Variants in ELK3 observed in about 807,000 individuals in gnomAD.
ELK3 encodes the protein ETS domain-containing protein Elk-3.
Under a neutral mutation model 28.9 loss-of-function variants are expected in ELK3, and 10 were observed. The ratio of observed to expected loss-of-function variants is 0.35; its 90% confidence interval spans 0.21 to 0.59. The LOEUF (loss-of-function observed/expected upper bound fraction) is 0.59, where lower values mean the gene tolerates loss of function less well. Among genes scored for constraint, ELK3 ranks in the 20% least tolerant of loss-of-function variants. The pLI is 0.82. For synonymous variants in ELK3, 272 were observed against 243.5 expected, an observed-to-expected ratio of 1.12 and a Z score of -1.09; for missense variants, 463 against 517.3, an observed-to-expected ratio of 0.90 and a Z score of 1.02.
At chr12:96,235,213 A>G (rs959025732) in intron 2 of ELK3, among the ~76,000 whole-genome samples, 1 of 9,798 alleles carries the variant, frequency 1.0e-4, no homozygotes, top group Non-Finnish European at 2.2e-4. Context: ...GCCGCCCCCC[A>G]CCCCAGCATC....
At chr12:96,238,957 G>A (rs1001330012) in intron 2 of ELK3, among the ~76,000 whole-genome samples, 1 of 152,126 alleles carries the variant, frequency 6.6e-6, no homozygotes, top group Non-Finnish European at 1.5e-5. Context: ...CTGGAAGAGG[G>A]TGTGGTAGTG....
chr12:96,235,050 C>G (rs529738050), intron 2 of ELK3, among the ~76,000 whole-genome samples: 9 of 152,254 alleles, frequency 5.9e-5, no homozygotes, highest in African/African-American at 2.2e-4. Flanking sequence ...CCCCGGAATA[C>G]CCCACGCTTC....
rs199857700 is a variant in ELK3 at position 96,247,544 on chromosome 12, T to G, written c.812T>G (p.Leu271Arg). The change falls in exon 3 of 5, where the codon CTG (leucine) becomes CGG (arginine). Residue 271 changes from leucine to arginine, a missense_variant. This residue lies in a region of ELK3 where 408 missense variants were observed against 414.8 expected (regional missense o/e 0.98). Transcript: ENST00000228741. This position sits in a 1 kb window ranked among gnomAD's most constrained non-coding sequence, Gnocchi z 5.5. The part of the protein sequence containing the change: ...LEAACHDSDS[L>R]EPLNLSSGSK... The stretch of plus-strand genomic sequence containing the variant: ...GCCGCCTGCCATGACTCCGATTCCC[T>G]GGAGCCCTTGAACCTGTCATCGGGC... 5 of 1,613,984 alleles carry G rather than the reference T, an allele frequency of 3.1e-6. No homozygotes were observed. Among genetic ancestry groups the G allele is most frequent in the African/African-American group, 1.3e-5 (1 of 74,886 alleles).
intron 1 of ELK3, among the ~76,000 whole-genome samples, chr12:96,197,460 G>C (rs142558859): frequency 1.3e-5 from 2 of 152,304 alleles, no homozygotes; most frequent in African/African-American, 4.8e-5. Context: ...CACGCATTCA[G>C]TCAACAAATA....
At chr12:96,257,202 C>T (rs1027004703) in intron 3 of ELK3, among the ~76,000 whole-genome samples, 3 of 152,172 alleles carry the variant, frequency 2.0e-5, no homozygotes, top group Non-Finnish European at 4.4e-5. Flanking sequence ...CTCACACTGT[C>T]CCGGAGATAA....
At chr12:96,232,019 G>A (rs1334357623) in intron 2 of ELK3, among the ~76,000 whole-genome samples, 1 of 152,164 alleles carries the variant, frequency 6.6e-6, no homozygotes, top group Non-Finnish European at 1.5e-5. Flanking sequence ...AGAGGCAGAG[G>A]GAAGGCCTCC....
At chr12:96,254,836 G>A (rs1951935542) in intron 3 of ELK3, among the ~76,000 whole-genome samples, 1 of 152,094 alleles carries the variant, frequency 6.6e-6, no homozygotes, top group African/African-American at 2.4e-5. Flanking sequence ...ACTGGTACAG[G>A]GTGTTGAAGG....
intron 1 of ELK3, among the ~76,000 whole-genome samples, chr12:96,215,629 CTTTTTTTTTT>C (rs10611662): frequency 3.0e-5 from 4 of 133,524 alleles, no homozygotes; most frequent in Non-Finnish European, 1.6e-5. Flanking sequence ...GACATAAAAC[CTTTTTTTTTT>C]TTTTTTTTTT....
intron 3 of ELK3, among the ~76,000 whole-genome samples, chr12:96,256,441 A>T (rs1951949837): frequency 6.6e-6 from 1 of 152,042 alleles, no homozygotes; most frequent in Non-Finnish European, 1.5e-5. Flanking sequence ...ACAGAAGGGG[A>T]AGAGTCTTAA....
chr12:96,239,148 A>G lies in ELK3; in HGVS notation c.208-7792A>G, dbSNP rs182888864. 1.4e-4 allele frequency among the ~76,000 whole-genome samples: 22 copies of G among 152,368 alleles called. No individual in the cohort carries two copies. In the East Asian group the frequency reaches 3.9e-3, roughly 27 times the overall value. Reference sequence around the variant, plus strand: ...TACATTCTTTAATGTGAAAATACACATAAGCAAAAAGAAATATGAAAAATC... The same window carrying G: ...TACATTCTTTAATGTGAAAATACACGTAAGCAAAAAGAAATATGAAAAATC... On this transcript the variant is annotated intron_variant, in intron 2 of 4. Transcript: ENST00000228741.
intron 2 of ELK3, among the ~76,000 whole-genome samples, chr12:96,228,812 C>T (rs535939029): frequency 6.6e-6 from 1 of 152,278 alleles, no homozygotes; most frequent in Admixed American, 6.5e-5. Flanking sequence ...TCCAGCTGTC[C>T]CTCAACCTCA....
In ELK3 at chr12:96,269,428, G is replaced by C. The variant is rs1316326764; in HGVS notation, c.*2248G>C. 1 of 152,150 alleles carries C rather than the reference G, an allele frequency of 6.6e-6. No individual in the cohort carries two copies. The highest frequency in any genetic ancestry group is 1.5e-5 in the Non-Finnish European group (1 of 68,020). 9.4% of individuals were successfully genotyped at this position (152,150 alleles called of 1,614,324 possible). ...GATTCTTTCTTTTCCTTTGGAAACTGGGATTAATGTATGCTCTAGATCCAT... is the reference window on the plus strand; with the variant it reads ...GATTCTTTCTTTTCCTTTGGAAACTCGGATTAATGTATGCTCTAGATCCAT... On this transcript the variant is annotated 3_prime_UTR_variant, in exon 5 of 5. Coordinates refer to ENST00000228741, the MANE Select transcript of ELK3 (RefSeq NM_005230.4).
At chr12:96,261,105 G>A (rs954933275) in intron 4 of ELK3, among the ~76,000 whole-genome samples, 22 of 152,192 alleles carry the variant, frequency 1.4e-4, no homozygotes, top group African/African-American at 5.1e-4. Context: ...CATTTTGCTT[G>A]TCAAGGTTAA....
intron 2 of ELK3, among the ~76,000 whole-genome samples, chr12:96,240,158 T>C (rs911683703): frequency 6.6e-6 from 1 of 152,196 alleles, no homozygotes; most frequent in Admixed American, 6.5e-5. Flanking sequence ...CCCTGCTCAG[T>C]TGAGATATGT....
Position 96,221,573 on chromosome 12 carries a change from A to G in ELK3, c.-2-1992A>G, listed in dbSNP as rs534925919. Among the ~76,000 whole-genome samples the G allele has an allele frequency of 3.3e-5, 5 of 152,316 alleles. No homozygotes were observed. In the South Asian group the frequency reaches 8.3e-4, roughly 25 times the overall value. The stretch of plus-strand genomic sequence containing the variant: ...CTGACTGACATGTTTGGCCAAGAAA[A>G]TCTCAAGAATTTGCGACAACTGTTA... On this transcript the variant is annotated intron_variant, in intron 1 of 4. Transcript: ENST00000228741.
chr12:96,249,964 C>T (rs528902409), intron 3 of ELK3, among the ~76,000 whole-genome samples: 1 of 152,254 alleles, frequency 6.6e-6, no homozygotes, highest in South Asian at 2.1e-4. Flanking sequence ...GCCTGGTCCT[C>T]AGCCAAGCTG....
intron 2 of ELK3, among the ~76,000 whole-genome samples, chr12:96,240,907 GT>G (rs1295513054): frequency 6.6e-6 from 1 of 152,224 alleles, no homozygotes; most frequent in Non-Finnish European, 1.5e-5. Context: ...CAAAATTGGG[GT>G]GCCAGACCAG....
rs12578798 is a variant in ELK3 at position 96,266,281 on chromosome 12, T to C, written c.1126-801T>C. 1.6e-4 allele frequency among the ~76,000 whole-genome samples: 24 copies of C among 152,302 alleles called. No homozygotes were observed. In the East Asian group the frequency reaches 4.0e-3, roughly 26 times the overall value. On this transcript the variant is annotated intron_variant, in intron 4 of 4. Transcript: ENST00000228741. Reference sequence around the variant, plus strand: ...TGAAGTTTAACTTTCCTGGACTAAATAGGAAATAAGCTAGAAAAGACAGCC... The same window carrying C: ...TGAAGTTTAACTTTCCTGGACTAAACAGGAAATAAGCTAGAAAAGACAGCC...
intron 1 of ELK3, among the ~76,000 whole-genome samples, chr12:96,220,427 G>T (rs532500070): frequency 1.2e-4 from 13 of 111,750 alleles, no homozygotes; most frequent in African/African-American, 4.5e-4. Context: ...CGCTCTTGTT[G>T]TCCAGGCTGG....
Sources: allele counts gnomAD v4.1 joint callset (sites outside exome capture counted in the v4.1 genomes callset), GRCh38; gene constraint gnomAD v4.1.1; regional missense constraint gnomAD v4.1.1; non-coding constraint Gnocchi (gnomAD v3.1); transcripts MANE v1.5; gene names NCBI Gene and HGNC (gene_info 2026-07-23, HGNC 2026-07-21).